Variants in LMBRD2 observed in about 807,000 individuals in gnomAD.
The protein encoded by LMBRD2 is G protein-coupled receptor-associated protein LMBRD2.
Under a neutral mutation model 94.4 loss-of-function variants are expected in LMBRD2, and 55 were observed. The ratio of observed to expected loss-of-function variants is 0.58; its 90% CI spans 0.47 to 0.73. LMBRD2 has a LOEUF of 0.73. LMBRD2 is among the 30% of genes least tolerant of loss of function. The probability of loss-of-function intolerance (pLI) is 0.00; values close to 1 mark genes in which losing one functional copy is unlikely to be tolerated. For missense variants in LMBRD2, 640 were observed against 831.9 expected (o/e 0.77, Z 2.84); for synonymous variants, 246 against 272.4 (o/e 0.90, Z 0.95).
At chr5:36,137,743 G>C (rs960562735) in intron 4 of LMBRD2, among the ~76,000 whole-genome samples, 3 of 152,130 alleles carry the variant, frequency 2.0e-5, no homozygotes, top group Admixed American at 2.0e-4. Context: ...TGGATAAAAG[G>C]GGAACAAAAT....
chr5:36,103,966 A>G lies in LMBRD2; in HGVS notation c.*80T>C, dbSNP rs1743405386. On this transcript the variant is annotated 3_prime_UTR_variant, in exon 18 of 18. Coordinates refer to ENST00000296603, the MANE Select transcript of LMBRD2 (RefSeq NM_001007527.2). ...ACACTTTTCACTGTGTATAGAGGAA[A>G]TTCTAGGGTACACAGATGTTCATCA... 1 of 991,348 alleles carries G rather than the reference A, an allele frequency of 1.0e-6. No individual in the cohort carries two copies. Among genetic ancestry groups the G allele is most frequent in the African/African-American group, 1.6e-5 (1 of 61,918 alleles). The allele number at this position is 991,348 out of a possible 1,614,324, so 61.4% of individuals were successfully genotyped here. A position where few individuals can be genotyped will look rare whatever the true frequency, so the allele number is the denominator to read the frequency against.
chr5:36,136,537 C>T lies in LMBRD2; in HGVS notation c.537-18G>A. 1 of 1,591,816 alleles carries T rather than the reference C, an allele frequency of 6.3e-7. No homozygotes were observed. The highest frequency in any genetic ancestry group is 8.6e-7 in the Non-Finnish European group (1 of 1,159,984). ...GCTGGTTCCTAAGAAAGGGAAACAACAGATAATATGTATATTTTAATGGAA... is the reference window on the plus strand; with the variant it reads ...GCTGGTTCCTAAGAAAGGGAAACAATAGATAATATGTATATTTTAATGGAA... On this transcript the variant is annotated intron_variant, in intron 5 of 17. Coordinates refer to ENST00000296603, the MANE Select transcript of LMBRD2 (RefSeq NM_001007527.2).
Position 36,100,353 on chromosome 5 carries a change from T to C in LMBRD2, c.*3693A>G, listed in dbSNP as rs868718971. The C allele has an allele frequency of 1.3e-5, 2 of 152,130 alleles. No individual in the cohort carries two copies. The highest frequency in any genetic ancestry group is 2.9e-5 in the Non-Finnish European group (2 of 68,002). 9.4% of individuals were successfully genotyped at this position (152,130 alleles called of 1,614,324 possible). ...ACATTTGTATTCAGATGTTGCTTAG[T>C]TGTCTAGCAAAATCTGTTTGACTAC... On this transcript the variant is annotated 3_prime_UTR_variant, in exon 18 of 18. Transcript: ENST00000296603.
In LMBRD2 at chr5:36,122,449, A is replaced by C. The variant is rs1743908610; in HGVS notation, c.951T>G (p.Val317=). 1.2e-6 allele frequency: 2 copies of C among 1,612,524 alleles called. No individual in the cohort carries two copies. Among genetic ancestry groups the C allele is most frequent in the African/African-American group, 2.7e-5 (2 of 74,964 alleles). ...VKLHKQVIYS[V]QRHRRTQVQW... ...GTACTTGAGTTCGACGGTGTCTCTG[A>C]ACTGAATAAATCACCTAAAAAAGAG... Residue 317 remains valine, a synonymous_variant, in exon 9 of 18, where the codon GTT becomes GTG. Coordinates refer to ENST00000296603, the MANE Select transcript of LMBRD2 (RefSeq NM_001007527.2).
At chr5:36,113,601 T>C (rs1387590199) in intron 13 of LMBRD2, among the ~76,000 whole-genome samples, 1 of 152,198 alleles carries the variant, frequency 6.6e-6, no homozygotes, top group African/African-American at 2.4e-5. Flanking sequence ...ACTGTAATGT[T>C]AGTAGATATT....
intron 1 of LMBRD2, among the ~76,000 whole-genome samples, chr5:36,148,258 A>C (rs1744600490): frequency 6.6e-6 from 1 of 152,010 alleles, no homozygotes. Flanking sequence ...AAAAAAAAAA[A>C]AAACCATCAT....
chr5:36,113,262 C>T (rs530390834), intron 13 of LMBRD2, among the ~76,000 whole-genome samples: 45 of 152,182 alleles, frequency 3.0e-4, no homozygotes, highest in Non-Finnish European at 1.3e-4. Context: ...ATCTAATTAC[C>T]GGTGCATACA....
At chr5:36,113,974 C>T (rs1455028105) in intron 13 of LMBRD2, among the ~76,000 whole-genome samples, 6 of 152,148 alleles carry the variant, frequency 3.9e-5, no homozygotes, top group Non-Finnish European at 7.4e-5. Flanking sequence ...TGATTACAAT[C>T]GGTCCTCACC....
intron 4 of LMBRD2, among the ~76,000 whole-genome samples, chr5:36,138,232 G>T (rs1744317667): frequency 6.6e-6 from 1 of 152,162 alleles, no homozygotes; most frequent in Non-Finnish European, 1.5e-5. Context: ...AAGTGGAGGA[G>T]AATAGAAAGC....
At chr5:36,116,428 T>C (rs373880666) in intron 11 of LMBRD2, 32 bp downstream of exon 11, 10 of 1,597,032 alleles carry the variant, frequency 6.3e-6, no homozygotes, top group African/African-American at 4.0e-5. Context: ...AATGATGACA[T>C]TTCTCTTGTT....
rs1414265217 is a variant in LMBRD2 at position 36,142,529 on chromosome 5, A to C, written c.245T>G (p.Leu82Trp). 1.2e-6 allele frequency: 2 copies of C among 1,607,132 alleles called. No homozygotes were observed. The highest frequency in any genetic ancestry group is 2.2e-5 in the South Asian group (2 of 90,922). ...TGGAACAGGGTTAGCAGTTGCGTAC[A>C]ATCCTGTAATGTTGCTATTCTCAGG... Reference protein sequence around the residue: ...SPPENSNITGLYATANPVPSQ... With the variant: ...SPPENSNITGWYATANPVPSQ... Residue 82 changes from leucine (L) to tryptophan (W), a missense_variant, in exon 3 of 18, where the codon TTG becomes TGG. By Grantham distance (61) the Leu-to-Trp change is moderately conservative. This residue lies in a region of LMBRD2 where 457 missense variants were observed against 642.8 expected (regional missense o/e 0.71). Transcript: ENST00000296603.
chr5:36,140,534 T>C (rs551368368), intron 4 of LMBRD2, among the ~76,000 whole-genome samples: 3 of 152,186 alleles, frequency 2.0e-5, no homozygotes, highest in Non-Finnish European at 4.4e-5. Context: ...GACTCTTCCA[T>C]CTTTGGAGGG....
At chr5:36,124,610 A>T (rs1212740115) in intron 6 of LMBRD2, among the ~76,000 whole-genome samples, 1 of 152,238 alleles carries the variant, frequency 6.6e-6, no homozygotes, top group Non-Finnish European at 1.5e-5. Flanking sequence ...ACTCACCAAG[A>T]TCAATGATCT....
intron 4 of LMBRD2, among the ~76,000 whole-genome samples, chr5:36,138,398 T>C (rs573169779): frequency 3.3e-5 from 5 of 152,198 alleles, no homozygotes; most frequent in Admixed American, 6.5e-5. Flanking sequence ...TACTGATACA[T>C]ACAGCACAGC....
chr5:36,105,216 A>G lies in LMBRD2; in HGVS notation c.1898-19T>C. 1 of 1,610,100 alleles carries G rather than the reference A, an allele frequency of 6.2e-7. No homozygotes were observed. The highest frequency in any genetic ancestry group is 8.5e-7 in the Non-Finnish European group (1 of 1,177,424). On this transcript the variant is annotated intron_variant, in intron 16 of 17. Transcript: ENST00000296603. ...AATGCAGCTGCAAAGGAAGGGGGAA[A>G]AATGTCTACTTCCCTACTGTCTTTT...
At chr5:36,118,648 G>GT (rs1179689511) in intron 9 of LMBRD2, among the ~76,000 whole-genome samples, 8 of 133,392 alleles carry the variant, frequency 6.0e-5, no homozygotes, top group South Asian at 2.3e-4. Flanking sequence ...TACTGTTTTG[G>GT]TTTTTTGTTT....
chr5:36,138,600 A>AT (rs1431911366), intron 4 of LMBRD2, among the ~76,000 whole-genome samples: 1 of 152,204 alleles, frequency 6.6e-6, no homozygotes, highest in Non-Finnish European at 1.5e-5. Context: ...GGGCATTGCT[A>AT]ATGTTCTATA....
chr5:36,118,899 T>A (rs957503482), intron 9 of LMBRD2, among the ~76,000 whole-genome samples: 3 of 152,082 alleles, frequency 2.0e-5, no homozygotes, highest in Non-Finnish European at 2.9e-5. Context: ...TTCACCGTGT[T>A]AGCCAGGATG....
At chr5:36,125,345 G>A (rs887854754) in intron 6 of LMBRD2, among the ~76,000 whole-genome samples, 2 of 152,176 alleles carry the variant, frequency 1.3e-5, no homozygotes, top group African/African-American at 4.8e-5. Context: ...GGGTTTTAAG[G>A]GATACAAAAC....
Sources: gnomAD v4.1 joint callset for allele counts (sites outside exome capture counted in the v4.1 genomes callset) on GRCh38, gnomAD v4.1.1 for gene constraint, gnomAD v4.1.1 regional missense constraint, MANE v1.5 for transcripts, NCBI Gene and HGNC (gene_info 2026-07-23, HGNC 2026-07-21) for gene names.